NID2: variants seen among roughly 807,000 people sequenced by gnomAD.
The protein encoded by NID2 is nidogen-2.
NID2 carries 83 observed loss-of-function variants against 145.4 expected under a neutral mutation model. The ratio of observed to expected loss-of-function variants is 0.57; its 90% CI spans 0.48 to 0.69. NID2 has a LOEUF of 0.69. Among genes scored for constraint, NID2 ranks in the 30% least tolerant of loss-of-function variants. The pLI is 0.00. For missense variants in NID2, 1,807 were observed against 1,765.7 expected, an observed-to-expected ratio of 1.02 and a Z score of -0.42; for synonymous variants, 739 against 701.3, an observed-to-expected ratio of 1.05 and a Z score of -0.85.
rs187468422 is a variant in NID2 at position 52,012,488 on chromosome 14, C to T, written c.3421-805G>A. 2.0e-4 allele frequency among the ~76,000 whole-genome samples: 31 copies of T among 152,196 alleles called. No homozygotes were observed. In the East Asian group the frequency reaches 6.0e-3, roughly 29 times the overall value. On this transcript the variant is annotated intron_variant, in intron 16 of 21. Coordinates refer to ENST00000216286, the MANE Select transcript of NID2 (RefSeq NM_007361.4). ...TGGCACGCACCTGTAGTCCCAGCTA[C>T]TCAGGAGACCGAGTTGGGAGGATCG...
intron 5 of NID2, among the ~76,000 whole-genome samples, chr14:52,049,741 A>G (rs1892626695): frequency 6.6e-6 from 1 of 152,156 alleles, no homozygotes. Context: ...TGTGGCATGT[A>G]ATGATGCTGG....
intron 5 of NID2, among the ~76,000 whole-genome samples, chr14:52,046,239 C>T (rs560055201): frequency 2.1e-5 from 3 of 143,686 alleles, no homozygotes; most frequent in Non-Finnish European, 3.0e-5. Flanking sequence ...AGGAGAATGG[C>T]GTGAATCTGG....
At chr14:52,033,573 A>C (rs1461216394) in intron 9 of NID2, among the ~76,000 whole-genome samples, 2 of 151,142 alleles carry the variant, frequency 1.3e-5, no homozygotes, top group Non-Finnish European at 2.9e-5. Context: ...CACCACACCC[A>C]CATCAGGTGT....
At position 52,054,440 on chromosome 14, in the gene NID2, A is replaced by G. The variant is rs563213062; in HGVS notation, c.768-119T>C. The G allele has an allele frequency of 1.6e-5, 16 of 1,030,586 alleles. No homozygotes were observed. In the African/African-American group the frequency reaches 2.2e-4, roughly 14 times the overall value. 63.8% of individuals were successfully genotyped at this position (1,030,586 alleles called of 1,614,324 possible). A position where few individuals can be genotyped will look rare whatever the true frequency, so the allele number is the denominator to read the frequency against. ...AAGACAGCTGGGCATGGTGGCTCAC[A>G]CTTATAATCCCAGCACTTTGCAAGG... is the stretch of plus-strand genomic sequence containing the variant. On this transcript the variant is annotated intron_variant, in intron 3 of 21. Transcript: ENST00000216286.
chr14:52,052,325 C>A (rs1200528021), intron 5 of NID2, among the ~76,000 whole-genome samples: 2 of 152,178 alleles, frequency 1.3e-5, no homozygotes, highest in Non-Finnish European at 2.9e-5. Context: ...CACCCCATTC[C>A]CACTGTTTTA....
intron 16 of NID2, among the ~76,000 whole-genome samples, chr14:52,013,144 G>A (rs1393415119): frequency 6.6e-6 from 1 of 152,216 alleles, no homozygotes; most frequent in Non-Finnish European, 1.5e-5. Flanking sequence ...TCAGGTTAGA[G>A]AAAAAGTCCC....
chr14:52,064,486 A>T (rs1159575935), intron 2 of NID2, among the ~76,000 whole-genome samples: 4 of 152,308 alleles, frequency 2.6e-5, no homozygotes, highest in Admixed American at 2.6e-4. Context: ...TAAAGCAACC[A>T]GGCCCACTCC....
chr14:52,042,784 T>C lies in NID2; in HGVS notation c.1577A>G (p.Glu526Gly). The change falls in exon 6 of 22, where the codon GAA becomes GGA. Residue 526 changes from glutamate (E) to glycine (G), a missense_variant and splice_region_variant. Transcript: ENST00000216286. ...FYGNGKHCLP[E>G]GAPHRVNGKV... Reference sequence around the variant, plus strand: ...AGTTCCTGGCCCCAGTCAATTACCTTCAGGCAGACAGTGCTTCCCATTTCC... The same window carrying C: ...AGTTCCTGGCCCCAGTCAATTACCTCCAGGCAGACAGTGCTTCCCATTTCC... The C allele has an allele frequency of 6.2e-7, 1 of 1,614,004 alleles. No individual in the cohort carries two copies. The highest frequency in any genetic ancestry group is 8.5e-7 in the Non-Finnish European group (1 of 1,179,914).
At chr14:52,046,473 A>G (rs182545781) in intron 5 of NID2, among the ~76,000 whole-genome samples, 163 of 152,288 alleles carry the variant, frequency 1.1e-3, no homozygotes, top group African/African-American at 3.5e-3. Flanking sequence ...CTGCAACCCA[A>G]TTCTTATTCT....
In NID2 at chr14:52,007,794, C is replaced by CCATCAGTAGTATT. The variant is rs1341810182; in HGVS notation, c.3880+3_3880+15dup. 1 of 1,607,790 alleles carries CCATCAGTAGTATT rather than the reference C, an allele frequency of 6.2e-7. No individual in the cohort carries two copies. The highest frequency in any genetic ancestry group is 1.7e-5 in the Admixed American group (1 of 59,040). ...TGATGAGAGGTTATCTATTTGCATT[C>CCATCAGTAGTATT]CATCAGTAGTATTACCTGCATCTGC... On this transcript the variant is annotated intron_variant, in intron 19 of 21. Transcript: ENST00000216286.
At chr14:52,024,778 G>A (rs1234414393) in intron 12 of NID2, among the ~76,000 whole-genome samples, 1 of 151,972 alleles carries the variant, frequency 6.6e-6, no homozygotes, top group African/African-American at 2.4e-5. Flanking sequence ...GACAAAAATA[G>A]GGCAAATTAA....
intron 2 of NID2, among the ~76,000 whole-genome samples, chr14:52,063,948 C>T (rs1270369791): frequency 2.6e-5 from 4 of 152,192 alleles, no homozygotes; most frequent in Non-Finnish European, 4.4e-5. Flanking sequence ...TTCAGCAAAA[C>T]GTCAGCATTT....
intron 5 of NID2, among the ~76,000 whole-genome samples, chr14:52,052,757 C>G (rs560528214): frequency 6.6e-6 from 1 of 152,330 alleles, no homozygotes; most frequent in East Asian, 1.9e-4. Flanking sequence ...CCTCTGACCT[C>G]TTTCTTCCTA....
intron 5 of NID2, among the ~76,000 whole-genome samples, chr14:52,047,385 T>C (rs1892538414): frequency 6.6e-6 from 1 of 151,966 alleles, no homozygotes; most frequent in Non-Finnish European, 1.5e-5. Context: ...GGCGTGGTGC[T>C]GTGTCAGGCA....
At chr14:52,064,791 C>A (rs887834841) in intron 2 of NID2, among the ~76,000 whole-genome samples, 1 of 152,082 alleles carries the variant, frequency 6.6e-6, no homozygotes, top group Non-Finnish European at 1.5e-5. Flanking sequence ...TCTCTTGATA[C>A]CTCATTCTCA....
Position 52,006,455 on chromosome 14 carries a change from G to C in NID2, c.4004+82C>G, listed in dbSNP as rs190434788. Reference sequence around the variant, plus strand: ...CAGAGGGCTTAATGAGTCAAGTCAGGTACTGACTTTTGGTAAAACAAGTGG... The same window carrying C: ...CAGAGGGCTTAATGAGTCAAGTCAGCTACTGACTTTTGGTAAAACAAGTGG... On this transcript the variant is annotated intron_variant, in intron 20 of 21. Transcript: ENST00000216286. The C allele has an allele frequency of 9.2e-4, 1,390 of 1,514,458 alleles. 1 individual carries two copies. Among genetic ancestry groups the C allele is most frequent in the Non-Finnish European group, 1.0e-3 (1,151 of 1,103,146 alleles). 93.8% of individuals were successfully genotyped at this position (1,514,458 alleles called of 1,614,324 possible).
chr14:52,038,621 A>C, intron 9 of NID2, 126 bp downstream of exon 9: 1 of 664,386 alleles, frequency 1.5e-6, no homozygotes. Context: ...GATCTGCTCT[A>C]TTCATCCTTA....
chr14:52,068,987 C>G lies in NID2; in HGVS notation c.8G>C (p.Gly3Ala), dbSNP rs906022195. 2 of 1,610,432 alleles carry G rather than the reference C, an allele frequency of 1.2e-6. No homozygotes were observed. The highest frequency in any genetic ancestry group is 1.7e-6 in the Non-Finnish European group (2 of 1,178,724). The change falls in exon 1 of 22, where the codon GGG becomes GCG. Residue 3 changes from glycine to alanine, a missense_variant. By Grantham distance (60) the Gly-to-Ala change is moderately conservative. Coordinates refer to ENST00000216286, the MANE Select transcript of NID2 (RefSeq NM_007361.4). ME[G>A]DRVAGRPVLS... ...CACCGGCCGCCCGGCCACCCGGTCC[C>G]CCTCCATGCTCGCTCGGCCGTGCGC...
chr14:52,053,530 C>A, intron 5 of NID2, 49 bp downstream of exon 5: 1 of 1,553,238 alleles, frequency 6.4e-7, no homozygotes, highest in Non-Finnish European at 8.7e-7. Flanking sequence ...TATGCAAAAC[C>A]AGCATGGTTA....
Sources: gnomAD v4.1 joint callset for allele counts (sites outside exome capture counted in the v4.1 genomes callset) on GRCh38, gnomAD v4.1.1 for gene constraint, MANE v1.5 for transcripts, NCBI Gene and HGNC (gene_info 2026-07-23, HGNC 2026-07-21) for gene names.